DMD: variants seen among roughly 807,000 people sequenced by gnomAD.
The protein encoded by DMD is mutant dystrophin.
DMD carries 63 observed loss-of-function variants against 330.1 expected under a neutral mutation model. That is an observed-to-expected ratio of 0.19 (90% CI 0.16 to 0.24). The LOEUF is 0.24. DMD is among the 10% of genes least tolerant of loss of function. DMD has a pLI of 1.00. For synonymous variants in DMD, 1,223 were observed against 959.8 expected, an observed-to-expected ratio of 1.27 and a Z score of -5.07; for missense variants, 3,344 against 2,684.1, an observed-to-expected ratio of 1.25 and a Z score of -5.43.
intron 55 of DMD, among the ~76,000 whole-genome samples, chrX:31,547,761 T>C (rs1156748402): frequency 2.7e-5 from 3 of 112,323 alleles, no homozygotes; most frequent in Non-Finnish European, 5.6e-5. Flanking sequence ...TTTTCAGACT[T>C]GGAGTTTTTC....
chrX:32,209,657 C>A lies in DMD; in HGVS notation c.6438+7259G>T, dbSNP rs191281801. On this transcript the variant is annotated intron_variant, in intron 44 of 78. Transcript: ENST00000357033. ...TTTGGAATTTGCAATCAGCATTCTT[C>A]TCATTTTTTGTAGTCTCTTACTCTC... 4.5e-5 allele frequency among the ~76,000 whole-genome samples: 5 copies of A among 111,457 alleles called. No homozygotes were observed. In the Admixed American group the frequency reaches 4.8e-4, roughly 11 times the overall value.
At chrX:32,835,785 G>A (rs369606804) in intron 4 of DMD, among the ~76,000 whole-genome samples, 96 of 111,303 alleles carry the variant, frequency 8.6e-4, no homozygotes, top group African/African-American at 3.0e-3. Flanking sequence ...CTAAAATGGA[G>A]GAGACCCTAA....
At chrX:33,189,142 T>C (rs2050403689) in intron 1 of DMD, among the ~76,000 whole-genome samples, 1 of 111,762 alleles carries the variant, frequency 8.9e-6, no homozygotes, top group African/African-American at 3.3e-5. Flanking sequence ...TATATATCCT[T>C]CTTGCTGCTA....
chrX:32,653,615 G>T (rs1332431256), intron 9 of DMD, among the ~76,000 whole-genome samples: 6 of 111,624 alleles, frequency 5.4e-5, no homozygotes, highest in Admixed American at 1.9e-4. Flanking sequence ...TTGTTCTTTT[G>T]GCTTAGGATT....
At chrX:31,600,902 A>G (rs1469711625) in intron 55 of DMD, among the ~76,000 whole-genome samples, 1 of 107,915 alleles carries the variant, frequency 9.3e-6, no homozygotes, top group Non-Finnish European at 1.9e-5. Context: ...TGCTAGTCCT[A>G]GAGTCTTGTG....
At chrX:32,896,361 C>A (rs1168814136) in intron 2 of DMD, among the ~76,000 whole-genome samples, 3 of 112,021 alleles carry the variant, frequency 2.7e-5, no homozygotes, top group African/African-American at 9.8e-5. Context: ...TCACTATTGA[C>A]ACCAGCCACC....
In DMD at chrX:32,706,532, C is replaced by T. The variant is rs193050362; in HGVS notation, c.650-7239G>A. 6.3e-3 allele frequency among the ~76,000 whole-genome samples: 694 copies of T among 109,616 alleles called. 9 individuals carry two copies. Among genetic ancestry groups the T allele is most frequent in the African/African-American group, 0.021 (645 of 30,143 alleles). ...CAAGCTGAGATCGGGCCACTGCACT[C>T]CACCCTGGGTGAGAGAGTGAGACTC... is the stretch of plus-strand genomic sequence containing the variant. On this transcript the variant is annotated intron_variant, in intron 7 of 78. Transcript: ENST00000357033.
intron 2 of DMD, among the ~76,000 whole-genome samples, chrX:32,878,185 C>A (rs1346844773): frequency 9.0e-6 from 1 of 111,412 alleles, no homozygotes; most frequent in Non-Finnish European, 1.9e-5. Context: ...ACCATCCTGG[C>A]TAACACGGTG....
chrX:32,028,024 A>G (rs1313393633), intron 44 of DMD, among the ~76,000 whole-genome samples: 1 of 112,273 alleles, frequency 8.9e-6, no homozygotes, highest in African/African-American at 3.2e-5. Flanking sequence ...GCAAGAAGAG[A>G]GGCAGGAGAG....
At chrX:32,040,532 G>A (rs1179829039) in intron 44 of DMD, among the ~76,000 whole-genome samples, 1 of 111,881 alleles carries the variant, frequency 8.9e-6, no homozygotes, top group East Asian at 2.8e-4. Context: ...TTAAGAATGA[G>A]TTTTTCCTAG....
intron 7 of DMD, among the ~76,000 whole-genome samples, chrX:32,803,676 G>T (rs924172626): frequency 1.8e-5 from 2 of 111,645 alleles, no homozygotes; most frequent in East Asian, 5.6e-4. Flanking sequence ...GTTCTCATTG[G>T]TTTCAAAGAA....
At chrX:32,568,230 T>G (rs935109102) in intron 15 of DMD, among the ~76,000 whole-genome samples, 17 of 111,580 alleles carry the variant, frequency 1.5e-4, no homozygotes, top group African/African-American at 4.9e-4. Context: ...AAAAATAAAA[T>G]TAGAGGTGGT....
chrX:31,281,547 A>G (rs768248890), intron 62 of DMD, among the ~76,000 whole-genome samples: 10 of 103,909 alleles, frequency 9.6e-5, no homozygotes, highest in Non-Finnish European at 1.7e-4. Context: ...TTTAAAATTC[A>G]TCTCTTTACT....
At chrX:33,221,986 GAAGA>G (rs1278076601) in intron 1 of DMD, among the ~76,000 whole-genome samples, 3 of 111,034 alleles carry the variant, frequency 2.7e-5, no homozygotes, top group Non-Finnish European at 3.8e-5. Flanking sequence ...CCAATCTTGT[GAAGA>G]ATTAACACCA....
chrX:32,864,114 C>T (rs2149100341), intron 2 of DMD, among the ~76,000 whole-genome samples: 1 of 112,249 alleles, frequency 8.9e-6, no homozygotes, highest in East Asian at 2.8e-4. Context: ...CAAATATTGT[C>T]AAATATTACA....
chrX:31,970,049 G>A (rs763568273), intron 44 of DMD, among the ~76,000 whole-genome samples: 16 of 112,021 alleles, frequency 1.4e-4, no homozygotes, highest in African/African-American at 3.9e-4. Flanking sequence ...TGGTGCAAAA[G>A]TAATCACGGT....
intron 1 of DMD, among the ~76,000 whole-genome samples, chrX:33,333,099 C>G (rs1469263811): frequency 1.8e-5 from 2 of 110,669 alleles, no homozygotes; most frequent in Non-Finnish European, 3.8e-5. Flanking sequence ...GTCCTCTTAC[C>G]AATTTCAGGC....
chrX:33,256,956 T>A (rs1264112153), intron 1 of DMD, among the ~76,000 whole-genome samples: 7 of 110,606 alleles, frequency 6.3e-5, no homozygotes, highest in African/African-American at 2.3e-4. Flanking sequence ...TGTAACGGAG[T>A]AACACATCTT....
chrX:31,587,695 C>T (rs1039682688), intron 55 of DMD, among the ~76,000 whole-genome samples: 4 of 111,389 alleles, frequency 3.6e-5, no homozygotes, highest in African/African-American at 6.5e-5. Flanking sequence ...TAGCTCCATT[C>T]TCAATGGTCA....
Sources: gnomAD v4.1 joint callset for allele counts (sites outside exome capture counted in the v4.1 genomes callset) on GRCh38, gnomAD v4.1.1 for gene constraint, MANE v1.5 for transcripts, NCBI Gene and HGNC (gene_info 2026-07-23, HGNC 2026-07-21) for gene names.